The following SEMA6D variants were observed in gnomAD, a reference collection of about 807,000 sequenced individuals.
The protein encoded by SEMA6D is semaphorin 6D, also known as semaphorin-6D.
In SEMA6D, 35 loss-of-function variants were observed where a neutral mutation model predicts 106.6. The observed-to-expected ratio is 0.33, with a 90% confidence interval of 0.25 to 0.44. The LOEUF (loss-of-function observed/expected upper bound fraction) is 0.44. Ranked by LOEUF, SEMA6D falls within the 20% of genes least tolerant of loss-of-function variation. The probability of loss-of-function intolerance (pLI) is 1.00; values close to 1 mark genes in which losing one functional copy is unlikely to be tolerated. For synonymous variants in SEMA6D, 499 were observed against 487.7 expected (o/e 1.02, Z -0.31); for missense variants, 1,185 against 1,345.9 (o/e 0.88, Z 1.87).
rs772724420 is a variant in SEMA6D, at chr15:47,764,145, C to T, written c.966-29C>T. The T allele has an allele frequency of 3.7e-6, 6 of 1,613,044 alleles. No individual in the cohort carries two copies. In the African/African-American group the frequency reaches 4.0e-5, roughly 11 times the overall value. On this transcript the variant is annotated intron_variant, in intron 10 of 18. Transcript: ENST00000536845. The stretch of plus-strand genomic sequence containing the variant: ...CCAAGACAGGCTTCATGTCGCCAGC[C>T]TCTTCCTGATGATTTTCTTCCTTTT...
chr15:47,354,176 CCTCTCTCT>C (rs879283418), intron 1 of SEMA6D, among the ~76,000 whole-genome samples: 7 of 85,344 alleles, frequency 8.2e-5, no homozygotes, highest in South Asian at 4.9e-4. Context: ...AATGAGAAAG[CCTCTCTCT>C]CTCTCTCTCT....
At position 47,767,027 on chromosome 15, in the gene SEMA6D, ATTC is replaced by A; in HGVS notation, c.1709-7_1709-5del. 6.6e-7 allele frequency: 1 copy of A among 1,522,384 alleles called. No individual in the cohort carries two copies. Among genetic ancestry groups the A allele is most frequent in the Non-Finnish European group, 8.9e-7 (1 of 1,125,004 alleles). 94.3% of individuals were successfully genotyped at this position (1,522,384 alleles called of 1,614,324 possible). ...TTTTCACTGATTACTTGTTCCTTTA[ATTC>A]TTTTAGAAATTTTGCCTACTTCAAC... On this transcript the variant is annotated splice_region_variant and splice_polypyrimidine_tract_variant and intron_variant, in intron 16 of 18. Transcript: ENST00000536845.
intron 1 of SEMA6D, among the ~76,000 whole-genome samples, chr15:47,346,559 A>G (rs1238706963): frequency 6.6e-6 from 1 of 152,244 alleles, no homozygotes; most frequent in East Asian, 1.9e-4. Flanking sequence ...GAGAAGAGTT[A>G]CATGACTTTA....
At chr15:47,316,213 C>T (rs944162714) in intron 1 of SEMA6D, among the ~76,000 whole-genome samples, 3 of 150,452 alleles carry the variant, frequency 2.0e-5, no homozygotes, top group Admixed American at 6.7e-5. Flanking sequence ...CTGCCTCAGC[C>T]TCCTGAGTAG....
At chr15:47,739,316 T>C (rs1026384298) in intron 1 of SEMA6D, among the ~76,000 whole-genome samples, 1 of 152,184 alleles carries the variant, frequency 6.6e-6, no homozygotes, top group African/African-American at 2.4e-5. Flanking sequence ...CACCTTTGCT[T>C]TCCAGAATAG....
chr15:47,683,851 T>C (rs764318314), intron 4 of SEMA6D, among the ~76,000 whole-genome samples: 4 of 152,154 alleles, frequency 2.6e-5, no homozygotes, highest in Non-Finnish European at 4.4e-5. Context: ...CTTCACTGAG[T>C]TCAGGCCTTA....
chr15:47,580,783 C>G (rs1352262692), intron 3 of SEMA6D, among the ~76,000 whole-genome samples: 1 of 152,162 alleles, frequency 6.6e-6, no homozygotes, highest in Non-Finnish European at 1.5e-5. Flanking sequence ...ATCAGATCCC[C>G]TATAATGCTC....
chr15:47,316,102 C>CTTTTTT (rs67090828), intron 1 of SEMA6D, among the ~76,000 whole-genome samples: 6 of 81,484 alleles, frequency 7.4e-5, no homozygotes, highest in South Asian at 5.2e-4. Flanking sequence ...CATTTATTTC[C>CTTTTTT]TTTTTTTTGA....
intron 4 of SEMA6D, among the ~76,000 whole-genome samples, chr15:47,656,107 G>T (rs1360946961): frequency 1.3e-5 from 2 of 152,224 alleles, no homozygotes; most frequent in African/African-American, 2.4e-5. Flanking sequence ...GCTGTGATGT[G>T]CATTATGGAG....
intron 4 of SEMA6D, among the ~76,000 whole-genome samples, chr15:47,601,953 T>C (rs918718751): frequency 3.9e-5 from 6 of 152,242 alleles, no homozygotes; most frequent in Non-Finnish European, 5.9e-5. Context: ...GTCTTTTAGA[T>C]GCAGTCGCTG....
At chr15:47,678,315 A>G (rs1424900188) in intron 4 of SEMA6D, among the ~76,000 whole-genome samples, 1 of 152,140 alleles carries the variant, frequency 6.6e-6, no homozygotes, top group Non-Finnish European at 1.5e-5. Flanking sequence ...AAAGTTCTCG[A>G]CTTTTCAGCC....
intron 1 of SEMA6D, among the ~76,000 whole-genome samples, chr15:47,401,516 C>T (rs1257023367): frequency 1.3e-5 from 2 of 152,182 alleles, no homozygotes; most frequent in African/African-American, 4.8e-5. Context: ...TCTCTAACCA[C>T]TGTGTTACAA....
intron 4 of SEMA6D, among the ~76,000 whole-genome samples, chr15:47,608,657 A>G (rs2076831672): frequency 6.6e-6 from 1 of 152,182 alleles, no homozygotes; most frequent in African/African-American, 2.4e-5. Flanking sequence ...ATTAATGTAT[A>G]TTATGTGTAA....
At chr15:47,731,028 C>T (rs1435500891) in intron 1 of SEMA6D, 3 of 593,356 alleles carry the variant, frequency 5.1e-6, no homozygotes, top group Non-Finnish European at 3.0e-6. Context: ...TATTAATCTA[C>T]TTCATGAATG....
intron 4 of SEMA6D, among the ~76,000 whole-genome samples, chr15:47,672,613 C>G (rs991625836): frequency 6.6e-6 from 1 of 152,006 alleles, no homozygotes; most frequent in Non-Finnish European, 1.5e-5. Flanking sequence ...AAATTTTTAT[C>G]AGCAATCTTG....
At chr15:47,719,779 C>T (rs1049243900) in intron 1 of SEMA6D, among the ~76,000 whole-genome samples, 16 of 152,188 alleles carry the variant, frequency 1.1e-4, no homozygotes, top group African/African-American at 3.6e-4. Flanking sequence ...TACTGGTTTA[C>T]TCTTGCTGTT....
intron 3 of SEMA6D, among the ~76,000 whole-genome samples, chr15:47,516,556 T>G (rs1020708275): frequency 2.6e-5 from 4 of 152,208 alleles, no homozygotes; most frequent in Non-Finnish European, 5.9e-5. Flanking sequence ...CCTTGAATAC[T>G]AATTGCTCAG....
At position 47,767,058 on chromosome 15, in the gene SEMA6D, C is replaced by A. The variant is rs755520463; in HGVS notation, c.1730C>A (p.Thr577Lys). ...DCHEILPTST[T>K]PDYKIFGGPT... ...TTAGAAATTTTGCCTACTTCAACTA[C>A]ACCAGATTACAAAATATTTGGCGGT... The change falls in exon 17 of 19, where the codon ACA becomes AAA. Residue 577 changes from threonine to lysine, a missense_variant. Coordinates refer to ENST00000536845, the MANE Select transcript of SEMA6D (RefSeq NM_001358351.3). 2 of 1,570,842 alleles carry A rather than the reference C, an allele frequency of 1.3e-6. No homozygotes were observed. The highest frequency in any genetic ancestry group is 1.7e-6 in the Non-Finnish European group (2 of 1,157,778).
chr15:47,566,462 G>GCATCAGGTA (rs2046231544), intron 3 of SEMA6D, among the ~76,000 whole-genome samples: 1 of 152,212 alleles, frequency 6.6e-6, no homozygotes, highest in East Asian at 1.9e-4. Context: ...ACTGCAAAAT[G>GCATCAGGTA]TGCATGCATC....
Sources: allele counts gnomAD v4.1 joint callset (sites outside exome capture counted in the v4.1 genomes callset), GRCh38; gene constraint gnomAD v4.1.1; transcripts MANE v1.5; gene names NCBI Gene and HGNC (gene_info 2026-07-23, HGNC 2026-07-21).